SORCS2: variants seen among roughly 807,000 people sequenced by gnomAD.
The protein encoded by SORCS2 is sortilin related VPS10 domain containing receptor 2.
Under a neutral mutation model 141.6 loss-of-function variants are expected in SORCS2, and 100 were observed. The observed-to-expected ratio is 0.71, with a 90% confidence interval of 0.60 to 0.83. The LOEUF is 0.83. Ranked by LOEUF, SORCS2 falls within the 40% of genes least tolerant of loss-of-function variation. The pLI, the probability that SORCS2 is intolerant of heterozygous loss-of-function variation, is 0.00. For missense variants in SORCS2, 1,646 were observed against 1,560.2 expected, an observed-to-expected ratio of 1.05 and a Z score of -0.93; for synonymous variants, 789 against 676.9, an observed-to-expected ratio of 1.17 and a Z score of -2.57.
intron 1 of SORCS2, among the ~76,000 whole-genome samples, chr4:7,360,128 C>T (rs757317058): frequency 2.0e-5 from 3 of 152,308 alleles, no homozygotes; most frequent in Non-Finnish European, 2.9e-5. Flanking sequence ...ATGTTGCCAA[C>T]GTTGATTGAA....
chr4:7,301,993 T>G (rs1346503508), intron 1 of SORCS2, among the ~76,000 whole-genome samples: 1 of 152,250 alleles, frequency 6.6e-6, no homozygotes, highest in East Asian at 1.9e-4. Context: ...GTGGCCTCTG[T>G]GTCCCACCGG....
At chr4:7,295,503 T>G (rs1437613823) in intron 1 of SORCS2, among the ~76,000 whole-genome samples, 1 of 152,030 alleles carries the variant, frequency 6.6e-6, no homozygotes, top group Non-Finnish European at 1.5e-5. Flanking sequence ...GGCCGTTGGC[T>G]CGAGCCGCCC....
intron 2 of SORCS2, among the ~76,000 whole-genome samples, chr4:7,436,854 C>T (rs1019551666): frequency 2.0e-5 from 3 of 152,188 alleles, no homozygotes; most frequent in Non-Finnish European, 2.9e-5. Flanking sequence ...ACGTGTCTTC[C>T]CTTCTCTGCT....
At chr4:7,461,492 G>C (rs984652330) in intron 2 of SORCS2, among the ~76,000 whole-genome samples, 2 of 152,242 alleles carry the variant, frequency 1.3e-5, no homozygotes, top group Non-Finnish European at 2.9e-5. Context: ...CGAGCAACAT[G>C]TGTACATGGA....
At chr4:7,539,860 G>A (rs1712450785) in intron 3 of SORCS2, among the ~76,000 whole-genome samples, 1 of 139,942 alleles carries the variant, frequency 7.1e-6, no homozygotes, top group Non-Finnish European at 1.5e-5. Flanking sequence ...CATTCCTGCT[G>A]TGGAAGCCCC....
intron 1 of SORCS2, 53 bp from the exon 2 acceptor site, chr4:7,396,235 G>C (rs1724205681): frequency 6.4e-7 from 1 of 1,573,220 alleles, no homozygotes; most frequent in African/African-American, 1.3e-5. Context: ...ACCTCTCTTT[G>C]AGAACCTTGG....
intron 1 of SORCS2, among the ~76,000 whole-genome samples, chr4:7,318,545 G>T (rs529980244): frequency 6.6e-6 from 1 of 152,228 alleles, no homozygotes; most frequent in African/African-American, 2.4e-5. Context: ...TTAACTCTTC[G>T]TGCCCAGTTT....
chr4:7,404,561 A>T (rs1247481770), intron 2 of SORCS2, among the ~76,000 whole-genome samples: 2 of 152,000 alleles, frequency 1.3e-5, no homozygotes, highest in Non-Finnish European at 2.9e-5. Context: ...GTGTAAGATG[A>T]TATCTTATTG....
At chr4:7,708,405 G>A (rs1233140529) in intron 14 of SORCS2, among the ~76,000 whole-genome samples, 1 of 152,204 alleles carries the variant, frequency 6.6e-6, no homozygotes, top group Non-Finnish European at 1.5e-5. Flanking sequence ...TTATTCCCAA[G>A]AAGGCGAGGG....
At chr4:7,717,778 C>A (rs989992482) in intron 17 of SORCS2, among the ~76,000 whole-genome samples, 1 of 152,230 alleles carries the variant, frequency 6.6e-6, no homozygotes, top group South Asian at 2.1e-4. Context: ...CTCCGAAGCA[C>A]ATCCTGCCAC....
At chr4:7,680,262 T>C (rs558742572) in intron 9 of SORCS2, among the ~76,000 whole-genome samples, 1 of 152,278 alleles carries the variant, frequency 6.6e-6, no homozygotes, top group Admixed American at 6.5e-5. Context: ...CTCACACTCA[T>C]ACTCACACAC....
chr4:7,465,500 G>A (rs1729562443), intron 2 of SORCS2, among the ~76,000 whole-genome samples: 1 of 151,990 alleles, frequency 6.6e-6, no homozygotes, highest in Admixed American at 6.5e-5. Flanking sequence ...ACTGTGAGGA[G>A]CCAGGAGCTG....
At chr4:7,609,603 C>T (rs1201765402) in intron 3 of SORCS2, among the ~76,000 whole-genome samples, 2 of 152,264 alleles carry the variant, frequency 1.3e-5, no homozygotes, top group Non-Finnish European at 2.9e-5. Context: ...GGGAACACGT[C>T]CTGCTCTGTG....
intron 3 of SORCS2, among the ~76,000 whole-genome samples, chr4:7,587,637 A>G (rs1423460771): frequency 6.6e-6 from 1 of 152,006 alleles, no homozygotes; most frequent in Admixed American, 6.6e-5. Flanking sequence ...CTAGTCCCCA[A>G]CTCTGGCACC....
chr4:7,387,830 G>GTGCA (rs1479421299), intron 1 of SORCS2, among the ~76,000 whole-genome samples: 15 of 47,518 alleles, frequency 3.2e-4, no homozygotes, highest in African/African-American at 1.0e-3. Flanking sequence ...AGATACACAT[G>GTGCA]CACATACATA....
Position 7,236,497 on chromosome 4 carries a change from G to A in SORCS2, c.480+43371G>A, listed in dbSNP as rs1352135863. Among the ~76,000 whole-genome samples the A allele has an allele frequency of 2.0e-5, 3 of 152,156 alleles. No homozygotes were observed. In the East Asian group the frequency reaches 5.8e-4, roughly 29 times the overall value. ...GGAGGGGTTGATGGCGTAGGTGAGGGGCATCGGAGAGAATATTCTCTGCCG... is the reference window on the plus strand; with the variant it reads ...GGAGGGGTTGATGGCGTAGGTGAGGAGCATCGGAGAGAATATTCTCTGCCG... On this transcript the variant is annotated intron_variant, in intron 1 of 26. Transcript: ENST00000507866.
At chr4:7,639,640 T>G (rs1720512489) in intron 4 of SORCS2, among the ~76,000 whole-genome samples, 1 of 150,060 alleles carries the variant, frequency 6.7e-6, no homozygotes, top group African/African-American at 2.5e-5. Context: ...TGTGTGGGAG[T>G]GTGTATATGA....
At chr4:7,721,694 C>CA (rs1726598496) in intron 18 of SORCS2, among the ~76,000 whole-genome samples, 1 of 152,190 alleles carries the variant, frequency 6.6e-6, no homozygotes, top group Non-Finnish European at 1.5e-5. Context: ...GGTGTGTCTG[C>CA]AAAGGGCACC....
chr4:7,353,578 G>A (rs892359394), intron 1 of SORCS2, among the ~76,000 whole-genome samples: 11 of 152,330 alleles, frequency 7.2e-5, no homozygotes, highest in African/African-American at 2.6e-4. Flanking sequence ...GCAGAAGATG[G>A]GTGTGAGTGT....
Sources: gnomAD v4.1 joint callset for allele counts (sites outside exome capture counted in the v4.1 genomes callset) on GRCh38, gnomAD v4.1.1 for gene constraint, MANE v1.5 for transcripts, NCBI Gene and HGNC (gene_info 2026-07-23, HGNC 2026-07-21) for gene names.